Variants in MARCHF1 observed in about 807,000 individuals in gnomAD.
MARCHF1 encodes E3 ubiquitin-protein ligase MARCHF1.
Under a neutral mutation model 54.2 loss-of-function variants are expected in MARCHF1, and 40 were observed. The ratio of observed to expected loss-of-function variants is 0.74; its 90% CI spans 0.57 to 0.96. The LOEUF (loss-of-function observed/expected upper bound fraction) is 0.96. Ranked by LOEUF, MARCHF1 falls within the 40% of genes least tolerant of loss-of-function variation. MARCHF1 has a pLI of 0.00. For synonymous variants in MARCHF1, 236 were observed against 236.3 expected (o/e 1.00, Z 0.01); for missense variants, 586 against 656.5 (o/e 0.89, Z 1.17).
At position 163,987,586 on chromosome 4, in the gene MARCHF1, T is replaced by C. The variant is rs180875300; in HGVS notation, c.-39+915A>G. Among the ~76,000 whole-genome samples, 412 of 152,282 alleles carry C rather than the reference T, an allele frequency of 2.7e-3. 2 individuals are homozygous for C. The highest frequency in any genetic ancestry group is 9.7e-3 in the Admixed American group (149 of 15,290). ...TCTTGAGGGAAAAAAAAGGTTAACA[T>C]GTAGAACTGGAGGTAGACAAAGCCC... On this transcript the variant is annotated intron_variant, in intron 3 of 9. Transcript: ENST00000514618.
intron 4 of MARCHF1, among the ~76,000 whole-genome samples, chr4:163,717,251 GT>G (rs1243343848): frequency 2.0e-5 from 3 of 148,560 alleles, no homozygotes; most frequent in Admixed American, 1.4e-4. Context: ...GCGGTGTTTG[GT>G]TTTTTGTCCT....
At chr4:164,191,882 G>A (rs1731132387) in intron 1 of MARCHF1, among the ~76,000 whole-genome samples, 1 of 152,046 alleles carries the variant, frequency 6.6e-6, no homozygotes, top group Admixed American at 6.5e-5. Context: ...CATATGTGTT[G>A]TAACATTGTG....
intron 1 of MARCHF1, among the ~76,000 whole-genome samples, chr4:164,323,298 C>T (rs1220960283): frequency 6.6e-6 from 1 of 151,374 alleles, no homozygotes; most frequent in Non-Finnish European, 1.5e-5. Flanking sequence ...GAAATATAAG[C>T]TATATAAAAA....
At chr4:163,852,648 C>T (rs1749673068) in intron 4 of MARCHF1, among the ~76,000 whole-genome samples, 1 of 152,258 alleles carries the variant, frequency 6.6e-6, no homozygotes, top group African/African-American at 2.4e-5. Context: ...ATACCTTCAG[C>T]CCTCCCCTTA....
At chr4:164,177,806 GACAC>G (rs3059817) in intron 1 of MARCHF1, among the ~76,000 whole-genome samples, 28,468 of 149,126 alleles carry the variant, frequency 0.19, 3,031 homozygotes, top group Non-Finnish European at 0.25. Context: ...GTATGAAAGA[GACAC>G]ACACACACAC....
At chr4:164,188,418 T>C in intron 1 of MARCHF1, 2 of 560,276 alleles carry the variant, frequency 3.6e-6, no homozygotes, top group East Asian at 3.2e-5. Context: ...ATGCTGCTGC[T>C]ACTCGGTGAG....
At position 163,625,043 on chromosome 4, in the gene MARCHF1, C is replaced by G. The variant is rs544552919; in HGVS notation, c.163-11650G>C. Among the ~76,000 whole-genome samples, 6 of 152,302 alleles carry G rather than the reference C, an allele frequency of 3.9e-5. No individual in the cohort carries two copies. In the South Asian group the frequency reaches 1.2e-3, roughly 32 times the overall value. On this transcript the variant is annotated intron_variant, in intron 5 of 9. Coordinates refer to ENST00000514618, the MANE Select transcript of MARCHF1 (RefSeq NM_001394959.1). The stretch of plus-strand genomic sequence containing the variant: ...TAGAGCCCTATATTCTGGAACCCAT[C>G]TACTTTTCTGGTATTAACTTCAGCA...
In MARCHF1 at chr4:164,279,517, A is replaced by C. The variant is rs867373448; in HGVS notation, c.-323+104353T>G. On this transcript the variant is annotated intron_variant, in intron 1 of 9. Transcript: ENST00000514618. ...ATTTAAATGTTTATAAATCTAAAAAACTAGAAGAAAATGTTGACTGTTCAC... is the reference window on the plus strand; with the variant it reads ...ATTTAAATGTTTATAAATCTAAAAACCTAGAAGAAAATGTTGACTGTTCAC... 5.3e-3 allele frequency among the ~76,000 whole-genome samples: 799 copies of C among 151,802 alleles called. 8 individuals are homozygous for C. Among genetic ancestry groups the C allele is most frequent in the African/African-American group, 0.018 (748 of 41,544 alleles).
chr4:163,883,285 G>A (rs1405850584), intron 3 of MARCHF1, among the ~76,000 whole-genome samples: 7 of 123,552 alleles, frequency 5.7e-5, no homozygotes, highest in African/African-American at 2.1e-4. Context: ...GAGAGAGAGA[G>A]ATTACATTTA....
intron 4 of MARCHF1, among the ~76,000 whole-genome samples, chr4:163,829,787 G>C (rs1417807062): frequency 2.6e-5 from 4 of 152,138 alleles, no homozygotes; most frequent in Non-Finnish European, 5.9e-5. Context: ...TGTACTGAAG[G>C]GAATGTGAAC....
intron 1 of MARCHF1, among the ~76,000 whole-genome samples, chr4:164,321,867 C>T (rs1735150737): frequency 6.6e-6 from 1 of 151,972 alleles, no homozygotes; most frequent in South Asian, 2.1e-4. Context: ...TTATAATAAT[C>T]ATAGAAATTA....
intron 3 of MARCHF1, among the ~76,000 whole-genome samples, chr4:163,944,133 ATTTTTTT>A (rs5863642): frequency 1.6e-4 from 18 of 110,102 alleles, no homozygotes; most frequent in Non-Finnish European, 2.1e-4. Flanking sequence ...CACCGGGCTA[ATTTTTTT>A]TTTTTTTTTT....
chr4:163,601,592 A>C (rs1740967674), intron 7 of MARCHF1, among the ~76,000 whole-genome samples: 1 of 152,186 alleles, frequency 6.6e-6, no homozygotes, highest in Middle Eastern at 3.4e-3. Context: ...TTGGATATTC[A>C]ACAAACTAGA....
chr4:163,927,280 A>T (rs548429035), intron 3 of MARCHF1, among the ~76,000 whole-genome samples: 1 of 151,958 alleles, frequency 6.6e-6, no homozygotes, highest in South Asian at 2.1e-4. Flanking sequence ...CAAGCCTAAC[A>T]AGATTCATAA....
At chr4:163,786,619 TAG>T (rs1227972692) in intron 4 of MARCHF1, among the ~76,000 whole-genome samples, 2 of 151,976 alleles carry the variant, frequency 1.3e-5, no homozygotes, top group Non-Finnish European at 2.9e-5. Context: ...AATTAAATGT[TAG>T]ACTTACATAT....
chr4:163,854,255 T>C, intron 3 of MARCHF1, 86 bp from the exon 4 acceptor site: 2 of 1,070,588 alleles, frequency 1.9e-6, no homozygotes, highest in Non-Finnish European at 2.6e-6. Context: ...AAATCAACAA[T>C]ATAACAAAAC....
chr4:164,139,336 C>G (rs995977125), intron 1 of MARCHF1, among the ~76,000 whole-genome samples: 1 of 152,132 alleles, frequency 6.6e-6, no homozygotes, highest in Non-Finnish European at 1.5e-5. Flanking sequence ...AAGCACTGAT[C>G]TTTAAAAGGT....
chr4:164,377,490 T>C (rs1731225771), intron 1 of MARCHF1, among the ~76,000 whole-genome samples: 1 of 152,266 alleles, frequency 6.6e-6, no homozygotes, highest in Admixed American at 6.5e-5. Flanking sequence ...GACTCCAGAC[T>C]TCACACATTT....
chr4:163,744,458 T>G (rs368935636), intron 4 of MARCHF1, among the ~76,000 whole-genome samples: 2 of 152,216 alleles, frequency 1.3e-5, no homozygotes, highest in East Asian at 1.9e-4. Flanking sequence ...AGAATAAGTC[T>G]GTATTTTTGA....
Sources: gnomAD v4.1 joint callset for allele counts (sites outside exome capture counted in the v4.1 genomes callset) on GRCh38, gnomAD v4.1.1 for gene constraint, MANE v1.5 for transcripts, NCBI Gene and HGNC (gene_info 2026-07-23, HGNC 2026-07-21) for gene names.